Variants in TBC1D32 observed in about 807,000 individuals in gnomAD.
TBC1D32 encodes protein broad-minded.
TBC1D32 carries 151 observed loss-of-function variants against 170.3 expected under a neutral mutation model. The ratio of observed to expected loss-of-function variants is 0.89; its 90% CI spans 0.78 to 1.01. TBC1D32 has a LOEUF of 1.01. TBC1D32 is among the 50% of genes least tolerant of loss of function. The pLI, the probability that TBC1D32 is intolerant of heterozygous loss-of-function variation, is 0.00. For missense variants in TBC1D32, 1,464 were observed against 1,457.1 expected, an observed-to-expected ratio of 1.00 and a Z score of -0.08; for synonymous variants, 498 against 488.0, an observed-to-expected ratio of 1.02 and a Z score of -0.27.
At chr6:121,188,318 G>A (rs1372291854) in intron 22 of TBC1D32, among the ~76,000 whole-genome samples, 1 of 152,006 alleles carries the variant, frequency 6.6e-6, no homozygotes, top group Non-Finnish European at 1.5e-5. Flanking sequence ...TGAAAATAAA[G>A]TAAATGTAAA....
At chr6:121,123,190 T>C (rs1780457250) in intron 26 of TBC1D32, among the ~76,000 whole-genome samples, 1 of 152,156 alleles carries the variant, frequency 6.6e-6, no homozygotes, top group Non-Finnish European at 1.5e-5. Context: ...TGGGCTTTAC[T>C]GTGTTGAGGT....
intron 27 of TBC1D32, among the ~76,000 whole-genome samples, chr6:121,113,985 C>G (rs560147819): frequency 6.6e-6 from 1 of 152,088 alleles, no homozygotes; most frequent in Non-Finnish European, 1.5e-5. Context: ...ACCAGCCTGA[C>G]CAACATGGTG....
At chr6:121,089,994 T>C (rs948171593) in intron 31 of TBC1D32, among the ~76,000 whole-genome samples, 22 of 151,128 alleles carry the variant, frequency 1.5e-4, no homozygotes, top group Middle Eastern at 3.4e-3. Flanking sequence ...AGTGCAGTGG[T>C]GCGATCTCGG....
At position 121,186,679 on chromosome 6, in the gene TBC1D32, G is replaced by A. The variant is rs144671350; in HGVS notation, c.2570+18396C>T. Among the ~76,000 whole-genome samples, 220 of 151,956 alleles carry A rather than the reference G, an allele frequency of 1.4e-3. 3 individuals are homozygous for A. The highest frequency in any genetic ancestry group is 2.6e-3 in the Admixed American group (39 of 15,224). ...TTTCTCCATCTCTCTCCTGCTTTAC[G>A]TAGGGTGTTGATTTTGTAATTTAGT... On this transcript the variant is annotated intron_variant, in intron 22 of 31. Coordinates refer to ENST00000398212, the MANE Select transcript of TBC1D32 (RefSeq NM_152730.6).
chr6:121,228,868 T>C (rs2128337796), intron 20 of TBC1D32, among the ~76,000 whole-genome samples: 1 of 152,260 alleles, frequency 6.6e-6, no homozygotes, highest in East Asian at 1.9e-4. Flanking sequence ...ATTTGCCTAT[T>C]TCTTCCTTAA....
At chr6:121,113,201 T>C (rs1179926470) in intron 27 of TBC1D32, 24 bp from the exon 28 acceptor site, 1 of 1,481,206 alleles carries the variant, frequency 6.8e-7, no homozygotes, top group Non-Finnish European at 9.3e-7. Context: ...CCACAAAACA[T>C]AAAACATATC....
intron 24 of TBC1D32, among the ~76,000 whole-genome samples, chr6:121,138,421 T>C (rs1346178053): frequency 1.3e-5 from 2 of 152,172 alleles, no homozygotes; most frequent in African/African-American, 4.8e-5. Context: ...TTCTCTGCTA[T>C]AGATAGATAT....
At chr6:121,236,346 A>G (rs560809908) in intron 20 of TBC1D32, among the ~76,000 whole-genome samples, 51 of 152,232 alleles carry the variant, frequency 3.4e-4, no homozygotes, top group African/African-American at 9.6e-4. Flanking sequence ...TTTAATTAAT[A>G]CAAGTTTGTA....
At chr6:121,125,246 T>A (rs1249459029) in intron 26 of TBC1D32, among the ~76,000 whole-genome samples, 1 of 152,176 alleles carries the variant, frequency 6.6e-6, no homozygotes, top group Non-Finnish European at 1.5e-5. Flanking sequence ...GAGAACATTC[T>A]AAGCCCAGGC....
chr6:121,130,542 C>T (rs1781331361), intron 25 of TBC1D32, among the ~76,000 whole-genome samples: 1 of 152,064 alleles, frequency 6.6e-6, no homozygotes, highest in Non-Finnish European at 1.5e-5. Flanking sequence ...CCCTAAGATA[C>T]CCAGATTCCA....
chr6:121,092,803 C>G (rs1776971236), intron 30 of TBC1D32, among the ~76,000 whole-genome samples: 1 of 152,082 alleles, frequency 6.6e-6, no homozygotes. Flanking sequence ...AACTTAATTA[C>G]TTCTTTAAAG....
intron 30 of TBC1D32, among the ~76,000 whole-genome samples, chr6:121,094,618 A>G (rs1328012079): frequency 1.3e-5 from 2 of 152,210 alleles, no homozygotes; most frequent in African/African-American, 4.8e-5. Context: ...AGGAAGATAG[A>G]ATAGTACATG....
intron 24 of TBC1D32, among the ~76,000 whole-genome samples, chr6:121,140,053 TA>T (rs1782597980): frequency 6.6e-6 from 1 of 152,122 alleles, no homozygotes; most frequent in Non-Finnish European, 1.5e-5. Context: ...TCTACTTTTA[TA>T]AAATGCCAAA....
intron 20 of TBC1D32, among the ~76,000 whole-genome samples, chr6:121,229,951 T>C (rs908400160): frequency 3.9e-5 from 6 of 152,044 alleles, no homozygotes; most frequent in African/African-American, 1.4e-4. Context: ...CCCTTCACTC[T>C]CTCTCTCTCC....
intron 22 of TBC1D32, among the ~76,000 whole-genome samples, chr6:121,177,147 CT>C (rs1787873024): frequency 6.6e-6 from 1 of 152,074 alleles, no homozygotes; most frequent in African/African-American, 2.4e-5. Flanking sequence ...ATATGTGTCC[CT>C]GCCCATATCT....
At chr6:121,110,307 A>C (rs957812735) in intron 29 of TBC1D32, among the ~76,000 whole-genome samples, 4 of 150,950 alleles carry the variant, frequency 2.6e-5, no homozygotes, top group Admixed American at 1.3e-4. Context: ...CACACTCAAC[A>C]TACATTTATT....
Position 121,223,266 on chromosome 6 carries a change from A to G in TBC1D32, c.2451T>C (p.Tyr817=), listed in dbSNP as rs757494291. The stretch of plus-strand genomic sequence containing the variant: ...CACATGTTGGGACTTCACGAAGAGA[A>G]TATTCTGTTTTATTAGGAAGATCTT... The part of the protein sequence containing the change: ...RNQDLPNKTE[Y]SLREVPTCVI... Residue 817 remains tyrosine (Y), a synonymous_variant, in exon 21 of 32, where the codon TAT becomes TAC. Transcript: ENST00000398212. 3 of 1,585,560 alleles carry G rather than the reference A, an allele frequency of 1.9e-6. 1 individual carries two copies. The highest frequency in any genetic ancestry group is 2.6e-6 in the Non-Finnish European group (3 of 1,169,396).
intron 26 of TBC1D32, among the ~76,000 whole-genome samples, chr6:121,116,637 A>T (rs1196576761): frequency 6.6e-6 from 1 of 152,204 alleles, no homozygotes. Context: ...CATTCCCATC[A>T]TGATGTGTTC....
At chr6:121,214,807 C>T (rs781667998) in intron 21 of TBC1D32, among the ~76,000 whole-genome samples, 1 of 152,174 alleles carries the variant, frequency 6.6e-6, no homozygotes, top group Non-Finnish European at 1.5e-5. Context: ...TCAGTCCTCC[C>T]ATTTGGTGGG....
Sources: gnomAD v4.1 joint callset for allele counts (sites outside exome capture counted in the v4.1 genomes callset) on GRCh38, gnomAD v4.1.1 for gene constraint, MANE v1.5 for transcripts, NCBI Gene and HGNC (gene_info 2026-07-23, HGNC 2026-07-21) for gene names.